Variants in SLC1A2 observed in about 807,000 individuals in gnomAD.
SLC1A2 encodes solute carrier family 1 member 2.
Under a neutral mutation model 48.8 loss-of-function variants are expected in SLC1A2, and 15 were observed. The observed-to-expected ratio is 0.31, with a 90% CI of 0.21 to 0.47. SLC1A2 has a LOEUF of 0.47. Ranked by LOEUF, SLC1A2 falls within the 20% of genes least tolerant of loss-of-function variation. The probability of loss-of-function intolerance (pLI) is 0.99; values close to 1 mark genes in which losing one functional copy is unlikely to be tolerated. For synonymous variants in SLC1A2, 279 were observed against 272.6 expected (o/e 1.02, Z -0.23); for missense variants, 502 against 730.5 (o/e 0.69, Z 3.61).
At chr11:35,264,227 T>C (rs1015422330) in intron 10 of SLC1A2, 11 of 152,220 alleles carry the variant, frequency 7.2e-5, no homozygotes, top group African/African-American at 2.4e-4. Context: ...GCTAGTCCAC[T>C]AGAATTCTGG....
At chr11:35,420,028 C>T (rs896523520), upstream of SLC1A2, 1 of 418,780 alleles carries the variant, frequency 2.4e-6, no homozygotes, top group Non-Finnish European at 5.0e-6. Context: ...CAGCTGCGCT[C>T]CCTCCCCCGC....
chr11:35,304,548 G>GT (rs1851447758), intron 5 of SLC1A2, among the ~76,000 whole-genome samples: 1 of 152,074 alleles, frequency 6.6e-6, no homozygotes, highest in Non-Finnish European at 1.5e-5. Context: ...CCCACTGGTT[G>GT]TTAAACAATG....
At chr11:35,354,470 C>A (rs542545590) in intron 1 of SLC1A2, among the ~76,000 whole-genome samples, 3 of 152,074 alleles carry the variant, frequency 2.0e-5, no homozygotes, top group South Asian at 4.2e-4. Context: ...TTAAAACTAA[C>A]TAAATAAATA....
chr11:35,312,049 A>C, intron 4 of SLC1A2, 149 bp downstream of exon 4: 1 of 784,710 alleles, frequency 1.3e-6, no homozygotes, highest in Non-Finnish European at 2.1e-6. Flanking sequence ...TCCTGCCCTA[A>C]ACCACCTCAT....
intron 1 of SLC1A2, among the ~76,000 whole-genome samples, chr11:35,390,422 T>C (rs1204998704): frequency 2.6e-5 from 4 of 152,186 alleles, no homozygotes; most frequent in Non-Finnish European, 5.9e-5. Context: ...AGTAAGTTGC[T>C]TTCTTGACCC....
chr11:35,412,040 A>G (rs1855477628), intron 1 of SLC1A2, among the ~76,000 whole-genome samples: 1 of 111,554 alleles, frequency 9.0e-6, no homozygotes, highest in Non-Finnish European at 1.9e-5. Context: ...CACTTACTGG[A>G]GCAAAAAAAA....
At chr11:35,360,882 TA>T (rs985812989) in intron 1 of SLC1A2, among the ~76,000 whole-genome samples, 13 of 151,800 alleles carry the variant, frequency 8.6e-5, no homozygotes, top group African/African-American at 1.7e-4. Flanking sequence ...TATTTATTAT[TA>T]TTTTTTTTTT....
At chr11:35,338,811 C>G (rs777818631) in intron 1 of SLC1A2, among the ~76,000 whole-genome samples, 1 of 152,194 alleles carries the variant, frequency 6.6e-6, no homozygotes, top group Non-Finnish European at 1.5e-5. Flanking sequence ...TAAAACAAAA[C>G]AGTCCTTTGA....
Position 35,273,353 on chromosome 11 carries a change from G to A in SLC1A2, c.1421+7514C>T, listed in dbSNP as rs61882286. ...AGCATTGGCTAAGAGCGTGAAGTCCGGATACCAGCCTGGATGACACTCCCA... is the reference window on the plus strand; with the variant it reads ...AGCATTGGCTAAGAGCGTGAAGTCCAGATACCAGCCTGGATGACACTCCCA... On this transcript the variant is annotated intron_variant, in intron 9 of 10. Transcript: ENST00000278379. Among the ~76,000 whole-genome samples the A allele has an allele frequency of 7.2e-5, 11 of 152,232 alleles. No homozygotes were observed. The East Asian group carries it at 1.5e-3, about 21-fold the overall frequency.
intron 1 of SLC1A2, among the ~76,000 whole-genome samples, chr11:35,322,209 C>T (rs907749683): frequency 2.6e-5 from 4 of 152,134 alleles, no homozygotes; most frequent in Admixed American, 6.5e-5. Flanking sequence ...TGCAAATCCA[C>T]GTGAGTCCTG....
intron 1 of SLC1A2, chr11:35,413,611 T>C (rs1045368644): frequency 5.3e-4 from 81 of 152,012 alleles, no homozygotes; most frequent in African/African-American, 1.9e-3. Context: ...GGTGAACAAT[T>C]AAAACATGTT....
intron 8 of SLC1A2, among the ~76,000 whole-genome samples, chr11:35,284,986 G>T (rs1423618518): frequency 6.6e-6 from 1 of 152,206 alleles, no homozygotes; most frequent in Non-Finnish European, 1.5e-5. Context: ...TGAATAACAT[G>T]AACCAAGCAG....
intron 6 of SLC1A2, among the ~76,000 whole-genome samples, chr11:35,300,164 C>T (rs3847608): frequency 0.56 from 85,157 of 152,030 alleles, 25,821 homozygotes; most frequent in East Asian, 0.74. Context: ...AACAATATTG[C>T]TTAGACGATC....
intron 1 of SLC1A2, among the ~76,000 whole-genome samples, chr11:35,368,534 A>T (rs897687805): frequency 9.2e-5 from 14 of 152,356 alleles, no homozygotes; most frequent in African/African-American, 3.4e-4. Context: ...CATTCTACAC[A>T]TAAAGAAAGT....
intron 7 of SLC1A2, among the ~76,000 whole-genome samples, chr11:35,289,053 G>A (rs918139536): frequency 5.3e-5 from 8 of 152,164 alleles, no homozygotes; most frequent in South Asian, 2.1e-4. Context: ...GCCTTCAAAT[G>A]TTGCTAATAA....
intron 1 of SLC1A2, among the ~76,000 whole-genome samples, chr11:35,325,774 C>G (rs1852223155): frequency 6.6e-6 from 1 of 151,746 alleles, no homozygotes; most frequent in African/African-American, 2.4e-5. Flanking sequence ...ACCAGCCTGG[C>G]CAACATAGTG....
chr11:35,324,855 C>A (rs1485400653), intron 1 of SLC1A2, among the ~76,000 whole-genome samples: 1 of 152,158 alleles, frequency 6.6e-6, no homozygotes, highest in Non-Finnish European at 1.5e-5. Context: ...AGACTCATCA[C>A]CCCAAACAGA....
At chr11:35,301,861 A>C (rs959823606) in intron 5 of SLC1A2, among the ~76,000 whole-genome samples, 1 of 152,232 alleles carries the variant, frequency 6.6e-6, no homozygotes, top group African/African-American at 2.4e-5. Context: ...TGAGCAAGTT[A>C]AACTGTAAGC....
chr11:35,305,709 G>A (rs1204413653), intron 5 of SLC1A2, among the ~76,000 whole-genome samples: 1 of 152,228 alleles, frequency 6.6e-6, no homozygotes, highest in Non-Finnish European at 1.5e-5. Context: ...GTACATGGGG[G>A]CAGCTTTTAA....
Sources: gnomAD v4.1 joint callset for allele counts (sites outside exome capture counted in the v4.1 genomes callset) on GRCh38, gnomAD v4.1.1 for gene constraint, MANE v1.5 for transcripts, NCBI Gene and HGNC (gene_info 2026-07-23, HGNC 2026-07-21) for gene names.